FOXP1: variants seen among roughly 807,000 people sequenced by gnomAD.
FOXP1 encodes the protein forkhead box P1.
In FOXP1, 15 loss-of-function variants were observed where a neutral mutation model predicts 98.2. The ratio of observed to expected loss-of-function variants is 0.15; its 90% confidence interval spans 0.10 to 0.24. The LOEUF is 0.24. FOXP1 is among the 10% of genes least tolerant of loss of function. The pLI, the probability that FOXP1 is intolerant of heterozygous loss-of-function variation, is 1.00. For missense variants in FOXP1, 633 were observed against 848.5 expected (o/e 0.75, Z 3.15); for synonymous variants, 371 against 314.5 (o/e 1.18, Z -1.90).
At chr3:71,313,716 G>A (rs958104548) in intron 4 of FOXP1, among the ~76,000 whole-genome samples, 2 of 151,214 alleles carry the variant, frequency 1.3e-5, no homozygotes, top group African/African-American at 4.9e-5. Flanking sequence ...TAGTAGAGAC[G>A]GGGTTTCACC....
At chr3:71,508,526 G>C (rs2041985287) in intron 2 of FOXP1, among the ~76,000 whole-genome samples, 1 of 152,306 alleles carries the variant, frequency 6.6e-6, no homozygotes, top group Admixed American at 6.5e-5. Flanking sequence ...CTGTGAGTTA[G>C]AAATAGGCAG....
At chr3:71,077,215 G>A (rs139623127) in intron 7 of FOXP1, among the ~76,000 whole-genome samples, 4 of 152,232 alleles carry the variant, frequency 2.6e-5, no homozygotes, top group Middle Eastern at 3.4e-3. Flanking sequence ...TAACAAAAAC[G>A]GCATAGTCAA....
intron 3 of FOXP1, among the ~76,000 whole-genome samples, chr3:71,442,955 G>A (rs929744291): frequency 1.3e-5 from 2 of 152,086 alleles, no homozygotes; most frequent in African/African-American, 2.4e-5. Context: ...GCAGTGGCGC[G>A]ATCTCAGCTA....
intron 3 of FOXP1, among the ~76,000 whole-genome samples, chr3:71,440,944 C>T (rs977088086): frequency 3.9e-5 from 6 of 152,162 alleles, no homozygotes; most frequent in Non-Finnish European, 8.8e-5. Context: ...CCCTGTTCCT[C>T]ACATTTTAAA....
chr3:71,247,134 T>G (rs961928493), intron 5 of FOXP1, among the ~76,000 whole-genome samples: 1 of 152,178 alleles, frequency 6.6e-6, no homozygotes, highest in Non-Finnish European at 1.5e-5. Context: ...GGGAAAGTAT[T>G]GTGCAGAACA....
chr3:71,238,681 C>A (rs2067000849), intron 5 of FOXP1, among the ~76,000 whole-genome samples: 1 of 152,138 alleles, frequency 6.6e-6, no homozygotes, highest in African/African-American at 2.4e-5. Context: ...AGTTCTAGAC[C>A]ACAGCTGTAG....
At chr3:71,097,967 C>G (rs1432911730) in intron 7 of FOXP1, among the ~76,000 whole-genome samples, 1 of 152,128 alleles carries the variant, frequency 6.6e-6, no homozygotes, top group Non-Finnish European at 1.5e-5. Flanking sequence ...CAGACTAAAT[C>G]CAGGATGTAG....
chr3:71,082,286 G>GAAAAAAAAAAAAAAAAAAAAAA (rs75431341), intron 7 of FOXP1, among the ~76,000 whole-genome samples: 1 of 84,546 alleles, frequency 1.2e-5, no homozygotes, highest in Non-Finnish European at 2.6e-5. Flanking sequence ...TTAAAAAAAA[G>GAAAAAAAAAAAAAAAAAAAAAA]AAAAAAAAAA....
intron 18 of FOXP1, 167 bp downstream of exon 18, chr3:70,972,388 T>C: frequency 9.7e-7 from 1 of 1,026,664 alleles, no homozygotes; most frequent in South Asian, 1.3e-5. Flanking sequence ...GCAGGGGGAC[T>C]GGTGGGTATA....
At chr3:71,349,815 T>C (rs2077662721) in intron 4 of FOXP1, among the ~76,000 whole-genome samples, 1 of 152,182 alleles carries the variant, frequency 6.6e-6, no homozygotes, top group Non-Finnish European at 1.5e-5. Flanking sequence ...ATATTTGGTG[T>C]TTCACATGCT....
intron 12 of FOXP1, among the ~76,000 whole-genome samples, chr3:71,006,227 T>C (rs2042791187): frequency 6.6e-6 from 1 of 151,992 alleles, no homozygotes. Context: ...GCTTTGAAAA[T>C]GACAACTAAC....
chr3:71,379,522 C>A (rs2079982465), intron 3 of FOXP1, among the ~76,000 whole-genome samples: 1 of 151,934 alleles, frequency 6.6e-6, no homozygotes, highest in South Asian at 2.1e-4. Flanking sequence ...CAGCAAATTA[C>A]AGTCCACGGG....
upstream of FOXP1, chr3:71,583,959 C>A: frequency 9.2e-6 from 9 of 980,850 alleles, no homozygotes; most frequent in Non-Finnish European, 1.1e-5. Flanking sequence ...TCCCTCTTTG[C>A]CGTTCGCCGG....
chr3:71,441,320 G>T (rs1326288917), intron 3 of FOXP1, among the ~76,000 whole-genome samples: 5 of 152,234 alleles, frequency 3.3e-5, no homozygotes, highest in Non-Finnish European at 7.3e-5. Flanking sequence ...GGGCAGGAAT[G>T]AATGGCAGAG....
chr3:71,376,139 T>C (rs544442582), intron 3 of FOXP1, among the ~76,000 whole-genome samples: 7 of 152,296 alleles, frequency 4.6e-5, no homozygotes, highest in African/African-American at 1.4e-4. Flanking sequence ...TCAAATGTCA[T>C]TGATGGGCCA....
intron 3 of FOXP1, among the ~76,000 whole-genome samples, chr3:71,393,720 C>G (rs1311071470): frequency 1.3e-5 from 2 of 152,188 alleles, no homozygotes; most frequent in Admixed American, 1.3e-4. Context: ...CTGAGATAAT[C>G]TTTTGAAAGG....
chr3:71,304,314 A>G (rs1035105047), intron 4 of FOXP1, among the ~76,000 whole-genome samples: 5 of 152,166 alleles, frequency 3.3e-5, no homozygotes, highest in African/African-American at 7.2e-5. Flanking sequence ...ATGTGAAAAT[A>G]TTTTATGGGT....
chr3:71,053,561 G>C, intron 8 of FOXP1, 75 bp downstream of exon 8: 1 of 1,574,920 alleles, frequency 6.3e-7, no homozygotes, highest in Non-Finnish European at 8.7e-7. Context: ...CTGGTGGAGG[G>C]GAGATTGCGA....
At chr3:71,169,813 G>A (rs1403343474) in intron 6 of FOXP1, among the ~76,000 whole-genome samples, 2 of 150,228 alleles carry the variant, frequency 1.3e-5, no homozygotes, top group Non-Finnish European at 3.0e-5. Flanking sequence ...TTTTTGCTCA[G>A]ATATGTAATT....
Sources: gnomAD v4.1 joint callset for allele counts (sites outside exome capture counted in the v4.1 genomes callset) on GRCh38, gnomAD v4.1.1 for gene constraint, MANE v1.5 for transcripts, NCBI Gene and HGNC (gene_info 2026-07-23, HGNC 2026-07-21) for gene names.